The following TENM2 variants were observed in gnomAD, a reference collection of about 807,000 sequenced individuals.
The protein encoded by TENM2 is teneurin transmembrane protein 2.
TENM2 carries 52 observed loss-of-function variants against 245.2 expected under a neutral mutation model. That is an observed-to-expected ratio of 0.21 (90% CI 0.17 to 0.27). The LOEUF (loss-of-function observed/expected upper bound fraction) is 0.27. Among genes scored for constraint, TENM2 ranks in the 10% least tolerant of loss-of-function variants. The probability of loss-of-function intolerance (pLI) is 1.00; values close to 1 mark genes in which losing one functional copy is unlikely to be tolerated. For missense variants in TENM2, 3,046 were observed against 3,666.8 expected (o/e 0.83, Z 4.37); for synonymous variants, 1,363 against 1,438.9 (o/e 0.95, Z 1.19).
rs1280182071 is a variant in TENM2 at position 167,835,514 on chromosome 5, TC to T, written c.503-40468del. Among the ~76,000 whole-genome samples the T allele has an allele frequency of 5.9e-5, 9 of 152,282 alleles. No individual in the cohort carries two copies. In the East Asian group the frequency reaches 1.7e-3, roughly 29 times the overall value. ...CTGCCCCTCCTCTGCCTGAATCTTT[TC>T]CCCTCTTCTTTTAGTCCTTTTTAGT... On this transcript the variant is annotated intron_variant, in intron 2 of 28. Transcript: ENST00000518659.
the TENM2 span, among the ~76,000 whole-genome samples, chr5:166,981,820 C>G: frequency 6.6e-6 from 1 of 151,986 alleles, no homozygotes; most frequent in Non-Finnish European, 1.5e-5. Flanking sequence ...CTGGCAACTT[C>G]TGAAAAGCTC....
chr5:167,142,145 G>A, the TENM2 span, among the ~76,000 whole-genome samples: 6 of 152,140 alleles, frequency 3.9e-5, no homozygotes, highest in African/African-American at 1.4e-4. Flanking sequence ...CTATGTGTGT[G>A]TAGATACGTG....
the TENM2 span, among the ~76,000 whole-genome samples, chr5:167,273,585 T>C: frequency 6.6e-6 from 1 of 152,106 alleles, no homozygotes; most frequent in Non-Finnish European, 1.5e-5. Context: ...ACTTTAGAAT[T>C]GTCTTAAAAA....
At chr5:167,498,516 T>C (rs912640179) in intron 2 of TENM2, among the ~76,000 whole-genome samples, 3 of 152,134 alleles carry the variant, frequency 2.0e-5, no homozygotes, top group Admixed American at 6.6e-5. Context: ...ATCCCTCTAC[T>C]TGAGGCATCG....
chr5:168,121,705 GA>G (rs1331664759), intron 10 of TENM2, among the ~76,000 whole-genome samples: 1 of 149,768 alleles, frequency 6.7e-6, no homozygotes, highest in East Asian at 1.9e-4. Context: ...ATCCTTCTAA[GA>G]AAAAGATTGT....
chr5:168,000,895 C>T (rs1011122952), intron 5 of TENM2, among the ~76,000 whole-genome samples: 1 of 151,896 alleles, frequency 6.6e-6, no homozygotes, highest in Non-Finnish European at 1.5e-5. Flanking sequence ...ACAATAGAAG[C>T]TCAACTAAAT....
Position 168,182,653 on chromosome 5 carries a change from G to C in TENM2, c.2570-7684G>C, listed in dbSNP as rs1760015567. ...GCAAATGGGGCAGGGCAGGGACCAAGCATTGCATCTCAGCGGGCCCTGAGC... is the reference window on the plus strand; with the variant it reads ...GCAAATGGGGCAGGGCAGGGACCAACCATTGCATCTCAGCGGGCCCTGAGC... On this transcript the variant is annotated intron_variant, in intron 13 of 28. Coordinates refer to ENST00000518659, the Ensembl canonical transcript of TENM2. 2.0e-5 allele frequency among the ~76,000 whole-genome samples: 3 copies of C among 152,114 alleles called. No individual in the cohort carries two copies. In the South Asian group the frequency reaches 6.2e-4, roughly 32 times the overall value.
At chr5:168,255,324 CAG>C (rs1198723361) in intron 27 of TENM2, among the ~76,000 whole-genome samples, 4 of 151,766 alleles carry the variant, frequency 2.6e-5, no homozygotes, top group East Asian at 1.9e-4. Flanking sequence ...TTCCTTGAGA[CAG>C]AGTCTCCCTC....
intron 2 of TENM2, among the ~76,000 whole-genome samples, chr5:167,462,181 A>ACAC (rs1766341910): frequency 1.3e-5 from 1 of 75,022 alleles, no homozygotes. Flanking sequence ...CCTGACCCCC[A>ACAC]CCCCCCCCCC....
At chr5:167,917,997 A>G (rs979321053) in intron 3 of TENM2, among the ~76,000 whole-genome samples, 1 of 152,202 alleles carries the variant, frequency 6.6e-6, no homozygotes, top group African/African-American at 2.4e-5. Context: ...ATTTTTGGCT[A>G]TAAAAGACAA....
chr5:168,041,737 T>C (rs1046403201), intron 5 of TENM2, among the ~76,000 whole-genome samples: 1 of 152,226 alleles, frequency 6.6e-6, no homozygotes, highest in African/African-American at 2.4e-5. Flanking sequence ...TCCTGGTGCC[T>C]AGGACACATC....
intron 2 of TENM2, among the ~76,000 whole-genome samples, chr5:167,384,676 C>G (rs1761308728): frequency 6.7e-6 from 1 of 149,684 alleles, no homozygotes. Flanking sequence ...GATTAAAACA[C>G]ACAGATACAG....
chr5:167,197,867 T>C, the TENM2 span, among the ~76,000 whole-genome samples: 1 of 151,830 alleles, frequency 6.6e-6, no homozygotes, highest in Non-Finnish European at 1.5e-5. Flanking sequence ...TATACATGTG[T>C]GTATATATAG....
intron 7 of TENM2, among the ~76,000 whole-genome samples, chr5:168,088,842 G>A (rs6859101): frequency 0.11 from 16,309 of 152,168 alleles, 1,203 homozygotes; most frequent in East Asian, 0.31. Context: ...AAAAACTAGC[G>A]ATTCTGACGA....
intron 2 of TENM2, among the ~76,000 whole-genome samples, chr5:167,434,625 C>T (rs1014029769): frequency 6.6e-6 from 1 of 151,862 alleles, no homozygotes; most frequent in African/African-American, 2.4e-5. Flanking sequence ...ATTTAAAAAT[C>T]ATTAAAAATG....
intron 2 of TENM2, among the ~76,000 whole-genome samples, chr5:167,641,869 G>A (rs1248790150): frequency 3.3e-5 from 5 of 152,112 alleles, no homozygotes; most frequent in East Asian, 1.9e-4. Context: ...ACGGCAGAGC[G>A]TGGTGGCTCA....
intron 12 of TENM2, among the ~76,000 whole-genome samples, chr5:168,133,988 C>T (rs1013195675): frequency 6.6e-5 from 10 of 151,946 alleles, no homozygotes; most frequent in African/African-American, 1.9e-4. Context: ...AACCCCGCCT[C>T]TACTAAACAT....
At chr5:167,329,551 CAAAAAAA>C (rs34165505) in intron 1 of TENM2, among the ~76,000 whole-genome samples, 6 of 21,944 alleles carry the variant, frequency 2.7e-4, no homozygotes, top group South Asian at 5.2e-3. Flanking sequence ...GACTCAGTCT[CAAAAAAA>C]AAAAAAAAAA....
intron 23 of TENM2, among the ~76,000 whole-genome samples, chr5:168,224,025 T>C (rs1763918351): frequency 6.6e-6 from 1 of 152,224 alleles, no homozygotes; most frequent in African/African-American, 2.4e-5. Flanking sequence ...ATGTTGTCGA[T>C]CCTGATGGCT....
Sources: gnomAD v4.1 joint callset for allele counts (sites outside exome capture counted in the v4.1 genomes callset) on GRCh38, gnomAD v4.1.1 for gene constraint, MANE v1.5 for transcripts, NCBI Gene and HGNC (gene_info 2026-07-23, HGNC 2026-07-21) for gene names.